The following MMP28 variants were observed in gnomAD, a reference collection of about 807,000 sequenced individuals.
The protein encoded by MMP28 is matrix metalloproteinase-28.
In MMP28, 55 loss-of-function variants were observed where a neutral mutation model predicts 60.5. The ratio of observed to expected loss-of-function variants is 0.91; its 90% CI spans 0.73 to 1.14. MMP28 has a LOEUF of 1.14. Ranked by LOEUF, MMP28 falls within the 50% of genes most tolerant of loss-of-function variation. The probability of loss-of-function intolerance (pLI) is 0.00; values close to 1 mark genes in which losing one functional copy is unlikely to be tolerated. For missense variants in MMP28, 686 were observed against 738.3 expected, an observed-to-expected ratio of 0.93 and a Z score of 0.82; for synonymous variants, 318 against 312.5, an observed-to-expected ratio of 1.02 and a Z score of -0.18.
rs899632027 is a variant in MMP28, at chr17:35,769,918, A to T, written c.850+149T>A. 1.5e-5 allele frequency: 16 copies of T among 1,056,328 alleles called. No homozygotes were observed. The Admixed American group carries it at 5.2e-4, about 34-fold the overall frequency. 65.4% of individuals were successfully genotyped at this position (1,056,328 alleles called of 1,614,324 possible). ...GTTTTTCAGATTTGAGGAGGGGCATAGGGCTTTAGAATTGGGACGAATCGG... is the reference window on the plus strand; with the variant it reads ...GTTTTTCAGATTTGAGGAGGGGCATTGGGCTTTAGAATTGGGACGAATCGG... On this transcript the variant is annotated intron_variant, in intron 5 of 7. Coordinates refer to ENST00000605424, the MANE Select transcript of MMP28 (RefSeq NM_024302.5).
intron 5 of MMP28, among the ~76,000 whole-genome samples, chr17:35,769,017 AC>A (rs1463387077): frequency 2.0e-5 from 3 of 152,222 alleles, no homozygotes; most frequent in African/African-American, 7.2e-5. Context: ...GAGTCCAGAG[AC>A]CCAGGCTGTG....
Position 35,773,308 on chromosome 17 carries a change from A to C in MMP28, c.476T>G (p.Phe159Cys), listed in dbSNP as rs2086222568. ...CGCTGAGACGTTGCTCCACAACTGG[A>C]AGGCGGCGCGCACGGCGCCCCGAAC... is the stretch of plus-strand genomic sequence containing the variant. ...PAVRGAVRAA[F>C]QLWSNVSALE... The change falls in exon 4 of 8, where the codon TTC becomes TGC. Residue 159 changes from phenylalanine (F) to cysteine (C), a missense_variant. Physicochemically the swap from Phe to Cys is radical, Grantham distance 205. Transcript: ENST00000605424. 6.2e-7 allele frequency: 1 copy of C among 1,613,628 alleles called. No homozygotes were observed. Among genetic ancestry groups the C allele is most frequent in the African/African-American group, 1.3e-5 (1 of 74,948 alleles).
At chr17:35,756,966 G>C (rs907425253) in intron 2 of MMP28, among the ~76,000 whole-genome samples, 2 of 151,858 alleles carry the variant, frequency 1.3e-5, no homozygotes, top group Admixed American at 6.6e-5. Context: ...AGGAAGCCAA[G>C]GCGGGCAGAT....
intron 3 of MMP28, among the ~76,000 whole-genome samples, chr17:35,777,358 C>T (rs1325430518): frequency 1.3e-5 from 2 of 152,220 alleles, no homozygotes; most frequent in African/African-American, 2.4e-5. Context: ...ATCCTGACTC[C>T]GGAGCCGGAC....
intron 1 of MMP28, among the ~76,000 whole-genome samples, chr17:35,794,226 T>C (rs1190851873): frequency 6.6e-6 from 1 of 151,334 alleles, no homozygotes. Context: ...GAAAAGATAC[T>C]GTTGTGTTAT....
intron 4 of MMP28, 106 bp from the exon 5 acceptor site, chr17:35,770,418 T>C: frequency 7.3e-7 from 1 of 1,364,248 alleles, no homozygotes; most frequent in Non-Finnish European, 9.6e-7. Flanking sequence ...TTCTCTGCTG[T>C]ATAGTTTCCC....
intron 1 of MMP28, among the ~76,000 whole-genome samples, chr17:35,781,727 G>A (rs1555609436): frequency 6.6e-6 from 1 of 152,078 alleles, no homozygotes. Context: ...TCTTCTACAA[G>A]GAGAATTCTT....
chr17:35,779,412 G>C, intron 1 of MMP28, 89 bp from the exon 2 acceptor site: 1 of 1,057,042 alleles, frequency 9.5e-7, no homozygotes, highest in South Asian at 1.4e-5. Context: ...ATCCTGCCCA[G>C]TCTCACCTCT....
intron 2 of MMP28, among the ~76,000 whole-genome samples, chr17:35,760,329 C>A (rs1289256844): frequency 6.6e-6 from 1 of 152,196 alleles, no homozygotes; most frequent in African/African-American, 2.4e-5. Flanking sequence ...ACCCCTGCCC[C>A]CCAACAAATA....
Position 35,765,878 on chromosome 17 carries a change from G to T in MMP28, c.*622C>A, listed in dbSNP as rs1436258219. On this transcript the variant is annotated 3_prime_UTR_variant, in exon 8 of 8. Transcript: ENST00000605424. ...AAGGAAGGCTGCTTCCTGCCTCTCG[G>T]CCCACCAGCTGAAGGCACCTCTTTA... The T allele has an allele frequency of 3.0e-6, 3 of 985,282 alleles. No homozygotes were observed. Among genetic ancestry groups the T allele is most frequent in the Non-Finnish European group, 3.6e-6 (3 of 829,934 alleles). The allele number at this position is 985,282 out of a possible 1,614,324, so 61.0% of individuals were successfully genotyped here. A position where few individuals can be genotyped will look rare whatever the true frequency, so the allele number is the denominator to read the frequency against.
chr17:35,775,732 A>T (rs1356458489), intron 3 of MMP28, among the ~76,000 whole-genome samples: 1 of 152,216 alleles, frequency 6.6e-6, no homozygotes, highest in Non-Finnish European at 1.5e-5. Flanking sequence ...GTGCATACTC[A>T]ATAAATATAC....
intron 5 of MMP28, among the ~76,000 whole-genome samples, chr17:35,769,762 C>T (rs1174464442): frequency 2.9e-5 from 2 of 69,814 alleles, no homozygotes; most frequent in Non-Finnish European, 5.6e-5. Context: ...GCGGGAGCTG[C>T]GGGGGCTGGG....
At chr17:35,770,977 C>T (rs915750924) in intron 4 of MMP28, among the ~76,000 whole-genome samples, 3 of 152,076 alleles carry the variant, frequency 2.0e-5, no homozygotes, top group Non-Finnish European at 4.4e-5. Flanking sequence ...TCTTGAGTCC[C>T]AGGAGGTCAA....
intron 2 of MMP28, 34 bp from the exon 3 acceptor site, chr17:35,779,109 A>T (rs762888073): frequency 3.7e-6 from 6 of 1,604,860 alleles, no homozygotes; most frequent in Admixed American, 3.4e-5. Flanking sequence ...GGGGAGGGTG[A>T]GTGGTAAGGG....
downstream of MMP28, chr17:35,761,065 T>A (rs587721171): frequency 3.8e-5 from 46 of 1,224,032 alleles, 1 homozygote; most frequent in South Asian, 7.2e-4. Flanking sequence ...TACCCATCCA[T>A]GTAGCTGCAA....
At chr17:35,785,872 A>G (rs138545606) in intron 1 of MMP28, among the ~76,000 whole-genome samples, 22 of 152,308 alleles carry the variant, frequency 1.4e-4, no homozygotes, top group Non-Finnish European at 3.1e-4. Context: ...GCCCCAATGT[A>G]TAAAATGGGA....
chr17:35,787,306 G>C (rs941784702), intron 1 of MMP28, among the ~76,000 whole-genome samples: 3 of 152,204 alleles, frequency 2.0e-5, no homozygotes, highest in Non-Finnish European at 2.9e-5. Flanking sequence ...CCTGCGTAAA[G>C]ATAAACATCT....
At chr17:35,757,724 A>C (rs2085755598) in intron 2 of MMP28, among the ~76,000 whole-genome samples, 1 of 152,140 alleles carries the variant, frequency 6.6e-6, no homozygotes, top group Admixed American at 6.6e-5. Flanking sequence ...AATATTCCCA[A>C]TCAAGTAGCA....
intron 2 of MMP28, among the ~76,000 whole-genome samples, chr17:35,759,010 A>G (rs587593627): frequency 6.6e-6 from 1 of 152,304 alleles, no homozygotes; most frequent in Non-Finnish European, 1.5e-5. Flanking sequence ...TGTCTCAGTG[A>G]GATTGCTCAT....
Sources: allele counts gnomAD v4.1 joint callset (sites outside exome capture counted in the v4.1 genomes callset), GRCh38; gene constraint gnomAD v4.1.1; transcripts MANE v1.5; gene names NCBI Gene and HGNC (gene_info 2026-07-23, HGNC 2026-07-21).